NBEA: variants seen among roughly 807,000 people sequenced by gnomAD.
The protein encoded by NBEA is lysosomal-trafficking regulator 2.
Under a neutral mutation model 343.4 loss-of-function variants are expected in NBEA, and 44 were observed. The ratio of observed to expected loss-of-function variants is 0.13; its 90% confidence interval spans 0.10 to 0.16. NBEA has a LOEUF of 0.16. Among genes scored for constraint, NBEA ranks in the 10% least tolerant of loss-of-function variants. The pLI is 1.00. For synonymous variants in NBEA, 1,175 were observed against 1,238.7 expected, an observed-to-expected ratio of 0.95 and a Z score of 1.08; for missense variants, 2,555 against 3,631.3, an observed-to-expected ratio of 0.70 and a Z score of 7.62.
chr13:35,505,493 C>T (rs1283452296), intron 41 of NBEA, among the ~76,000 whole-genome samples: 1 of 152,112 alleles, frequency 6.6e-6, no homozygotes, highest in Non-Finnish European at 1.5e-5. Flanking sequence ...TTTATTATTT[C>T]TCCTTCAACT....
At chr13:35,387,783 G>A (rs2042313576) in intron 38 of NBEA, among the ~76,000 whole-genome samples, 1 of 152,108 alleles carries the variant, frequency 6.6e-6, no homozygotes, top group African/African-American at 2.4e-5. Context: ...CATTTGAGTA[G>A]CAGTTTCCCT....
chr13:35,132,199 C>T (rs1819448279), intron 17 of NBEA, among the ~76,000 whole-genome samples: 2 of 152,030 alleles, frequency 1.3e-5, no homozygotes, highest in Admixed American at 6.6e-5. Flanking sequence ...ACTCTATTAC[C>T]CAGGCTGGAG....
chr13:35,142,133 A>G (rs1345844755), intron 17 of NBEA, 136 bp from the exon 18 acceptor site: 2 of 490,838 alleles, frequency 4.1e-6, no homozygotes, highest in Non-Finnish European at 7.3e-6. Flanking sequence ...TGTTGTTTCT[A>G]TAGATGGAAG....
chr13:35,201,988 A>G lies in NBEA; in HGVS notation c.5366+5686A>G, dbSNP rs558498435. 3.3e-5 allele frequency among the ~76,000 whole-genome samples: 5 copies of G among 152,196 alleles called. 1 individual carries two copies. The highest frequency in any genetic ancestry group is 1.2e-4 in the African/African-American group (5 of 41,562). On this transcript the variant is annotated intron_variant, in intron 31 of 58. Coordinates refer to ENST00000379939, the MANE Select transcript of NBEA (RefSeq NM_001385012.1). ...GTGAAGCTGATGAAAATTCTGAAAT[A>G]ATTCTTGTTATTTATATAATAAAGG...
Position 35,065,379 on chromosome 13 carries a change from AT to A in NBEA, c.1240-4519del, listed in dbSNP as rs921676582. Among the ~76,000 whole-genome samples the A allele has an allele frequency of 2.2e-3, 318 of 147,400 alleles. 1 individual carries two copies. The highest frequency in any genetic ancestry group is 6.8e-3 in the African/African-American group (274 of 40,078). ...CTTAGTCTTGTTAGATGTTCAAAGG[AT>A]TTTTTTTTTCTTTTTCCTTATATCT... On this transcript the variant is annotated intron_variant, in intron 8 of 58. Coordinates refer to ENST00000379939, the MANE Select transcript of NBEA (RefSeq NM_001385012.1).
At chr13:35,223,478 CA>C (rs747692894) in intron 33 of NBEA, among the ~76,000 whole-genome samples, 1 of 152,186 alleles carries the variant, frequency 6.6e-6, no homozygotes, top group Non-Finnish European at 1.5e-5. Context: ...CTGGCTTGCA[CA>C]GATTCTAATG....
chr13:35,646,442 A>T, intron 51 of NBEA, 94 bp downstream of exon 51: 1 of 888,362 alleles, frequency 1.1e-6, no homozygotes, highest in Admixed American at 2.1e-5. Context: ...ATATTTTAAA[A>T]GGCTTCTCGA....
chr13:35,128,252 A>C (rs766094494), intron 17 of NBEA, among the ~76,000 whole-genome samples: 13 of 152,154 alleles, frequency 8.5e-5, no homozygotes, highest in Admixed American at 5.9e-4. Flanking sequence ...AAAAAAAAGC[A>C]GAAAGTAGGA....
chr13:35,111,035 G>A, intron 13 of NBEA, 57 bp downstream of exon 13: 3 of 1,439,402 alleles, frequency 2.1e-6, no homozygotes, highest in Non-Finnish European at 2.8e-6. Context: ...TGTATTCTGA[G>A]TACTGTTAAA....
At chr13:35,223,405 A>G (rs1443901911) in intron 33 of NBEA, among the ~76,000 whole-genome samples, 1 of 152,182 alleles carries the variant, frequency 6.6e-6, no homozygotes, top group Non-Finnish European at 1.5e-5. Flanking sequence ...TTTTGGCTAC[A>G]TATAAAATTG....
chr13:35,160,814 A>G (rs909647904), intron 22 of NBEA, among the ~76,000 whole-genome samples: 1 of 152,098 alleles, frequency 6.6e-6, no homozygotes, highest in African/African-American at 2.4e-5. Context: ...CTGTTTCTTT[A>G]TTTTCTAGGA....
At chr13:35,400,344 A>T (rs1262878005) in intron 38 of NBEA, among the ~76,000 whole-genome samples, 1 of 151,864 alleles carries the variant, frequency 6.6e-6, no homozygotes, top group Admixed American at 6.6e-5. Flanking sequence ...AAATTTGGGT[A>T]TTAAAACATA....
intron 38 of NBEA, among the ~76,000 whole-genome samples, chr13:35,423,445 A>C (rs1453137359): frequency 6.6e-6 from 1 of 152,172 alleles, no homozygotes; most frequent in Non-Finnish European, 1.5e-5. Flanking sequence ...GATTTGTCAA[A>C]GATCAGATAG....
intron 41 of NBEA, among the ~76,000 whole-genome samples, chr13:35,480,780 G>T (rs1041779951): frequency 6.6e-6 from 1 of 151,668 alleles, no homozygotes; most frequent in Admixed American, 6.6e-5. Context: ...TTTGTGCAGG[G>T]TTTTCTTTAT....
At position 35,137,450 on chromosome 13, in the gene NBEA, C is replaced by CA. The variant is rs1165178225; in HGVS notation, c.2337-4806dup. On this transcript the variant is annotated intron_variant, in intron 17 of 58. Coordinates refer to ENST00000379939, the MANE Select transcript of NBEA (RefSeq NM_001385012.1). ...GGGCGACTGAGCAACACACAGTCTCCAAAAAAAAAAAAAGCCCTTCATGTG... is the reference window on the plus strand; with the variant it reads ...GGGCGACTGAGCAACACACAGTCTCCAAAAAAAAAAAAAAGCCCTTCATGTG... 7.3e-3 allele frequency among the ~76,000 whole-genome samples: 723 copies of CA among 99,636 alleles called. 2 individuals are homozygous for CA. The highest frequency in any genetic ancestry group is 8.5e-3 in the Non-Finnish European group (397 of 46,630). The allele number at this position is 99,636 out of a possible 152,430, so 65.4% of individuals were successfully genotyped here. A position where few individuals can be genotyped will look rare whatever the true frequency, so the allele number is the denominator to read the frequency against.
chr13:35,483,329 G>A (rs2076189427), intron 41 of NBEA, among the ~76,000 whole-genome samples: 1 of 151,814 alleles, frequency 6.6e-6, no homozygotes, highest in South Asian at 2.1e-4. Flanking sequence ...AATGTTTCTA[G>A]CTTTATGGCA....
chr13:35,362,115 T>A (rs985679571), intron 38 of NBEA, among the ~76,000 whole-genome samples: 1 of 152,058 alleles, frequency 6.6e-6, no homozygotes, highest in South Asian at 2.1e-4. Flanking sequence ...TATTCAGTTG[T>A]CAACACTAGT....
intron 44 of NBEA, among the ~76,000 whole-genome samples, chr13:35,566,071 A>G (rs565964883): frequency 7.2e-5 from 11 of 152,316 alleles, no homozygotes; most frequent in African/African-American, 2.6e-4. Context: ...TTATAATAGA[A>G]TACCATCACA....
At chr13:34,979,700 T>A (rs2060294200) in intron 1 of NBEA, among the ~76,000 whole-genome samples, 1 of 152,182 alleles carries the variant, frequency 6.6e-6, no homozygotes, top group South Asian at 2.1e-4. Flanking sequence ...AAAGCTATAT[T>A]TTCAGGAGCA....
Sources: gnomAD v4.1 joint callset for allele counts (sites outside exome capture counted in the v4.1 genomes callset) on GRCh38, gnomAD v4.1.1 for gene constraint, MANE v1.5 for transcripts, NCBI Gene and HGNC (gene_info 2026-07-23, HGNC 2026-07-21) for gene names.